DNM3: variants seen among roughly 807,000 people sequenced by gnomAD.
The protein encoded by DNM3 is dynamin-3.
Under a neutral mutation model 101.6 loss-of-function variants are expected in DNM3, and 47 were observed. The observed-to-expected ratio is 0.46, with a 90% CI of 0.37 to 0.59. The LOEUF is 0.59. Among genes scored for constraint, DNM3 ranks in the 20% least tolerant of loss-of-function variants. The probability of loss-of-function intolerance (pLI) is 0.00; values close to 1 mark genes in which losing one functional copy is unlikely to be tolerated. For synonymous variants in DNM3, 385 were observed against 387.9 expected, an observed-to-expected ratio of 0.99 and a Z score of 0.09; for missense variants, 849 against 1,085.7, an observed-to-expected ratio of 0.78 and a Z score of 3.06.
chr1:171,847,354 G>A (rs976354166), intron 1 of DNM3, among the ~76,000 whole-genome samples: 3 of 152,142 alleles, frequency 2.0e-5, no homozygotes, highest in Admixed American at 6.5e-5. Flanking sequence ...CATTTCCAGT[G>A]TCATCTGGCA....
At chr1:172,302,002 G>T (rs893016597) in intron 15 of DNM3, among the ~76,000 whole-genome samples, 1 of 152,146 alleles carries the variant, frequency 6.6e-6, no homozygotes, top group African/African-American at 2.4e-5. Flanking sequence ...TCCAACTGAG[G>T]TACCTGGTTT....
intron 14 of DNM3, among the ~76,000 whole-genome samples, chr1:172,177,865 A>G (rs1373017032): frequency 6.6e-6 from 1 of 151,826 alleles, no homozygotes; most frequent in African/African-American, 2.4e-5. Flanking sequence ...TCCTGTGGTA[A>G]ATACTATATT....
intron 14 of DNM3, among the ~76,000 whole-genome samples, chr1:172,202,945 A>G (rs1017079296): frequency 1.3e-4 from 20 of 152,278 alleles, no homozygotes; most frequent in African/African-American, 4.8e-4. Context: ...TATTACTAGA[A>G]TTATAAAAAT....
intron 15 of DNM3, among the ~76,000 whole-genome samples, chr1:172,254,540 C>G (rs1038787077): frequency 2.0e-5 from 3 of 152,134 alleles, no homozygotes; most frequent in Non-Finnish European, 2.9e-5. Context: ...AATAAGAAAG[C>G]GTAGGCTCAG....
intron 14 of DNM3, among the ~76,000 whole-genome samples, chr1:172,247,974 A>G (rs1032121808): frequency 6.6e-6 from 1 of 152,238 alleles, no homozygotes; most frequent in South Asian, 2.1e-4. Flanking sequence ...GTGAGCCACC[A>G]TACCTGGCCT....
chr1:172,149,799 C>T (rs2058059897), intron 14 of DNM3, among the ~76,000 whole-genome samples: 4 of 151,890 alleles, frequency 2.6e-5, no homozygotes, highest in African/African-American at 9.7e-5. Context: ...CCTGTATGTG[C>T]ATAATATAAG....
chr1:172,078,328 G>A (rs986296690), intron 11 of DNM3, among the ~76,000 whole-genome samples: 1 of 152,132 alleles, frequency 6.6e-6, no homozygotes, highest in Non-Finnish European at 1.5e-5. Flanking sequence ...TCCTCACCTT[G>A]TGATCTGCCC....
intron 15 of DNM3, among the ~76,000 whole-genome samples, chr1:172,293,228 G>A (rs552186502): frequency 2.4e-4 from 36 of 152,322 alleles, no homozygotes; most frequent in Admixed American, 1.2e-3. Flanking sequence ...TCAGATGTTT[G>A]AACAGCTGAC....
At chr1:172,137,967 A>G (rs2057338352) in intron 14 of DNM3, 1 of 152,158 alleles carries the variant, frequency 6.6e-6, no homozygotes, top group African/African-American at 2.4e-5. Context: ...AAGATAAATG[A>G]ATTGCCTGAA....
intron 1 of DNM3, among the ~76,000 whole-genome samples, chr1:171,849,533 C>T (rs2421914): frequency 0.98 from 149,533 of 152,358 alleles, 73,391 homozygotes; most frequent in East Asian, 1. Flanking sequence ...AAATTCTTTT[C>T]GTGAATGTTG....
intron 2 of DNM3, among the ~76,000 whole-genome samples, chr1:171,973,386 A>T (rs987910621): frequency 1.3e-5 from 2 of 152,162 alleles, no homozygotes; most frequent in African/African-American, 2.4e-5. Context: ...ATTAATTGTT[A>T]CATATTTACT....
intron 15 of DNM3, among the ~76,000 whole-genome samples, chr1:172,271,351 T>G (rs2063077110): frequency 6.6e-6 from 1 of 152,308 alleles, no homozygotes; most frequent in Non-Finnish European, 1.5e-5. Flanking sequence ...TATTCATTTA[T>G]TTAAAACTAA....
chr1:172,287,671 C>T (rs887217673), intron 15 of DNM3, among the ~76,000 whole-genome samples: 2 of 152,062 alleles, frequency 1.3e-5, no homozygotes, highest in South Asian at 4.1e-4. Flanking sequence ...GGCAATGAAT[C>T]ATGGTACTTT....
At chr1:172,109,322 G>C (rs2147934112) in intron 13 of DNM3, among the ~76,000 whole-genome samples, 1 of 152,324 alleles carries the variant, frequency 6.6e-6, no homozygotes, top group East Asian at 1.9e-4. Flanking sequence ...AAAGGGAAAA[G>C]GAGGATTTGT....
chr1:172,130,745 A>G (rs2056891706), intron 13 of DNM3, among the ~76,000 whole-genome samples: 1 of 152,190 alleles, frequency 6.6e-6, no homozygotes, highest in African/African-American at 2.4e-5. Context: ...TCTGGTGGAA[A>G]TCCTAATGGG....
chr1:172,337,104 A>G (rs781732583), intron 17 of DNM3, among the ~76,000 whole-genome samples: 6 of 152,130 alleles, frequency 3.9e-5, no homozygotes, highest in African/African-American at 1.4e-4. Flanking sequence ...CTGACTCCCA[A>G]TGTTATCCTC....
At chr1:171,847,888 C>CTGTGTG (rs1273322867) in intron 1 of DNM3, among the ~76,000 whole-genome samples, 3 of 69,560 alleles carry the variant, frequency 4.3e-5, no homozygotes, top group Non-Finnish European at 8.9e-5. Context: ...TACTCTCTCT[C>CTGTGTG]TCTCTCTCTG....
chr1:171,958,057 ACTC>A (rs1166751989), intron 2 of DNM3, among the ~76,000 whole-genome samples: 1 of 152,152 alleles, frequency 6.6e-6, no homozygotes, highest in African/African-American at 2.4e-5. Flanking sequence ...GGTTTAATGG[ACTC>A]ATAGTTCCAC....
intron 14 of DNM3, among the ~76,000 whole-genome samples, chr1:172,161,083 A>T (rs551567183): frequency 1.1e-4 from 17 of 151,924 alleles, no homozygotes; most frequent in Middle Eastern, 3.4e-3. Flanking sequence ...TGGCTGGATT[A>T]TTTACTCTTT....
Sources: gnomAD v4.1 joint callset for allele counts (sites outside exome capture counted in the v4.1 genomes callset) on GRCh38, gnomAD v4.1.1 for gene constraint, MANE v1.5 for transcripts, NCBI Gene and HGNC (gene_info 2026-07-23, HGNC 2026-07-21) for gene names.